Variants in PPM1L observed in about 807,000 individuals in gnomAD.
PPM1L encodes protein phosphatase, Mg2+/Mn2+ dependent 1L.
A neutral mutation model predicts 31.4 loss-of-function variants in PPM1L; 13 were observed. That is an observed-to-expected ratio of 0.41 (90% CI 0.27 to 0.66). PPM1L has a LOEUF of 0.66. Ranked by LOEUF, PPM1L falls within the 30% of genes least tolerant of loss-of-function variation. PPM1L has a pLI of 0.29. For missense variants in PPM1L, 326 were observed against 453.7 expected, an observed-to-expected ratio of 0.72 and a Z score of 2.56; for synonymous variants, 184 against 175.4, an observed-to-expected ratio of 1.05 and a Z score of -0.39.
At chr3:161,050,000 C>T (rs1296494621) in intron 2 of PPM1L, among the ~76,000 whole-genome samples, 1 of 152,202 alleles carries the variant, frequency 6.6e-6, no homozygotes, top group Non-Finnish European at 1.5e-5. Flanking sequence ...CCTTCCTGGC[C>T]ATCCCTTGTC....
intron 1 of PPM1L, among the ~76,000 whole-genome samples, chr3:160,863,647 C>CT (rs1711981304): frequency 6.6e-6 from 1 of 152,128 alleles, no homozygotes; most frequent in South Asian, 2.1e-4. Context: ...AGGGGGCAGT[C>CT]TATCAAGTAT....
intron 1 of PPM1L, among the ~76,000 whole-genome samples, chr3:160,929,708 G>A (rs1714720725): frequency 6.6e-6 from 1 of 152,160 alleles, no homozygotes; most frequent in Non-Finnish European, 1.5e-5. Flanking sequence ...GCTCCATTGT[G>A]AGGTCCTTTC....
chr3:160,889,443 A>C (rs1713052235), intron 1 of PPM1L, among the ~76,000 whole-genome samples: 1 of 152,214 alleles, frequency 6.6e-6, no homozygotes, highest in Non-Finnish European at 1.5e-5. Context: ...TCCCAAGACT[A>C]AGTCAGGAAG....
intron 2 of PPM1L, among the ~76,000 whole-genome samples, chr3:160,978,011 A>G (rs1019566415): frequency 2.6e-5 from 4 of 152,174 alleles, no homozygotes; most frequent in African/African-American, 7.2e-5. Flanking sequence ...CTTGCTTACA[A>G]TTGGTTTATT....
At chr3:160,876,151 C>T (rs996816023) in intron 1 of PPM1L, among the ~76,000 whole-genome samples, 26 of 152,126 alleles carry the variant, frequency 1.7e-4, no homozygotes, top group African/African-American at 4.6e-4. Context: ...TGTACATAAA[C>T]GATTCAAAAT....
intron 1 of PPM1L, among the ~76,000 whole-genome samples, chr3:160,765,655 G>A (rs1715085037): frequency 6.6e-6 from 1 of 152,182 alleles, no homozygotes. Flanking sequence ...GTTGGCTCAT[G>A]AAAGGCTTTC....
intron 1 of PPM1L, among the ~76,000 whole-genome samples, chr3:160,802,689 A>G (rs1194785752): frequency 6.6e-6 from 1 of 152,338 alleles, no homozygotes; most frequent in South Asian, 2.1e-4. Flanking sequence ...AAGTTATACT[A>G]GGAGACAGTG....
intron 2 of PPM1L, among the ~76,000 whole-genome samples, chr3:161,039,933 C>T (rs1476970437): frequency 6.6e-6 from 1 of 152,200 alleles, no homozygotes; most frequent in Non-Finnish European, 1.5e-5. Flanking sequence ...ATCAAATAAA[C>T]TTCTCCAAAT....
At chr3:160,903,214 G>GTATGTT (rs1271622002) in intron 1 of PPM1L, among the ~76,000 whole-genome samples, 128 of 132,844 alleles carry the variant, frequency 9.6e-4, no homozygotes, top group East Asian at 5.3e-3. Context: ...ATGTTTGTGT[G>GTATGTT]TGTGTGTGTG....
chr3:161,053,991 C>T (rs1162098246), intron 2 of PPM1L, among the ~76,000 whole-genome samples: 1 of 152,136 alleles, frequency 6.6e-6, no homozygotes, highest in Non-Finnish European at 1.5e-5. Flanking sequence ...ATTCCTGCCG[C>T]TCTGCTCTTT....
intron 2 of PPM1L, among the ~76,000 whole-genome samples, chr3:161,056,206 G>A (rs910013871): frequency 1.6e-4 from 24 of 152,122 alleles, no homozygotes; most frequent in African/African-American, 5.6e-4. Context: ...GCAAGGCAGT[G>A]CAGGGAGAGC....
intron 1 of PPM1L, among the ~76,000 whole-genome samples, chr3:160,858,245 T>C (rs1177652597): frequency 1.3e-5 from 2 of 152,188 alleles, no homozygotes; most frequent in Non-Finnish European, 1.5e-5. Flanking sequence ...AATTTCTCTT[T>C]TCTTTTCTTT....
chr3:160,954,956 C>CTTCCTTCCTTTCCTTTCCTTTCCT (rs1553749482), intron 1 of PPM1L, among the ~76,000 whole-genome samples: 1 of 77,434 alleles, frequency 1.3e-5, no homozygotes, highest in African/African-American at 6.3e-5. Flanking sequence ...TCCTTCCTTC[C>CTTCCTTCCTTTCCTTTCCTTTCCT]TTCCTTTCCT....
chr3:160,805,333 C>CCT (rs1712564414), intron 1 of PPM1L, among the ~76,000 whole-genome samples: 1 of 152,146 alleles, frequency 6.6e-6, no homozygotes, highest in Admixed American at 6.5e-5. Flanking sequence ...AACTTCAGAA[C>CCT]AGTGGTACCT....
At chr3:160,941,344 A>C (rs1438244858) in intron 1 of PPM1L, among the ~76,000 whole-genome samples, 1 of 152,072 alleles carries the variant, frequency 6.6e-6, no homozygotes, top group African/African-American at 2.4e-5. Flanking sequence ...TGAGGACATG[A>C]GATTTAGAGG....
intron 2 of PPM1L, among the ~76,000 whole-genome samples, chr3:161,058,104 C>T (rs1215171520): frequency 1.9e-5 from 2 of 103,414 alleles, no homozygotes; most frequent in Non-Finnish European, 4.7e-5. Context: ...TAGTAGGGTC[C>T]ATCATTTTCT....
At position 160,973,324 on chromosome 3, in the gene PPM1L, A is replaced by G. The variant is rs554567832; in HGVS notation, c.574+11414A>G. On this transcript the variant is annotated intron_variant, in intron 2 of 3. Coordinates refer to ENST00000498165, the MANE Select transcript of PPM1L (RefSeq NM_139245.4). ...TATTTGATTACAAGGACTAAAGGAA[A>G]TGTGTATACTTCAAAGAAAATAATT... 2.6e-5 allele frequency among the ~76,000 whole-genome samples: 4 copies of G among 152,344 alleles called. No individual in the cohort carries two copies. The East Asian group carries it at 5.8e-4, about 22-fold the overall frequency.
intron 1 of PPM1L, among the ~76,000 whole-genome samples, chr3:160,860,057 A>G (rs949213927): frequency 1.1e-4 from 16 of 152,208 alleles, no homozygotes; most frequent in African/African-American, 3.9e-4. Context: ...TTAGGAATGA[A>G]TGAGCCTAAC....
At chr3:160,758,892 A>G (rs911684354) in intron 1 of PPM1L, among the ~76,000 whole-genome samples, 5 of 152,160 alleles carry the variant, frequency 3.3e-5, no homozygotes, top group Admixed American at 6.5e-5. Context: ...TATTATCAGT[A>G]CTCTGAAAAA....
Sources: gnomAD v4.1 joint callset for allele counts (sites outside exome capture counted in the v4.1 genomes callset) on GRCh38, gnomAD v4.1.1 for gene constraint, MANE v1.5 for transcripts, NCBI Gene and HGNC (gene_info 2026-07-23, HGNC 2026-07-21) for gene names.